The following ZBTB8B variants were observed in gnomAD, a reference collection of about 807,000 sequenced individuals.
ZBTB8B encodes the protein zinc finger and BTB domain-containing protein 8B.
In ZBTB8B, 17 loss-of-function variants were observed where a neutral mutation model predicts 30.3. That is an observed-to-expected ratio of 0.56 (90% confidence interval 0.38 to 0.84). ZBTB8B has a LOEUF of 0.84. ZBTB8B is among the 40% of genes least tolerant of loss of function. The pLI, the probability that ZBTB8B is intolerant of heterozygous loss-of-function variation, is 0.00. For synonymous variants in ZBTB8B, 248 were observed against 255.6 expected (o/e 0.97, Z 0.28); for missense variants, 515 against 644.9 (o/e 0.80, Z 2.18).
At chr1:32,479,338 A>G (rs1643687422) in intron 2 of ZBTB8B, among the ~76,000 whole-genome samples, 1 of 152,138 alleles carries the variant, frequency 6.6e-6, no homozygotes, top group Non-Finnish European at 1.5e-5. Context: ...TGCCTGGCCA[A>G]CATGGTGAAA....
chr1:32,489,762 G>A lies in ZBTB8B; in HGVS notation c.*4344G>A, dbSNP rs532219225. 2 of 152,148 alleles carry A rather than the reference G, an allele frequency of 1.3e-5. No individual in the cohort carries two copies. Among genetic ancestry groups the A allele is most frequent in the South Asian group, 4.1e-4 (2 of 4,828 alleles). 9.4% of individuals were successfully genotyped at this position (152,148 alleles called of 1,614,324 possible). A position where few individuals can be genotyped will look rare whatever the true frequency, so the allele number is the denominator to read the frequency against. ...TCTTGGGAAGTTATTTCTCTTGGGG[G>A]ATGAGGACCCCCTTCTCAAAAGTTG... On this transcript the variant is annotated 3_prime_UTR_variant, in exon 4 of 4. Coordinates refer to ENST00000609129, the MANE Select transcript of ZBTB8B (RefSeq NM_001145720.2).
intron 1 of ZBTB8B, 67 bp from the exon 2 acceptor site, chr1:32,470,499 CAAAAAAAAAAAAAAAAAA>C (rs60700558): frequency 6.4e-6 from 2 of 310,424 alleles, no homozygotes; most frequent in Non-Finnish European, 8.8e-6. Context: ...GACGCTGACT[CAAAAAAAAAAAAAAAAAA>C]AAAAAAAAAG....
chr1:32,470,505 A>T, intron 1 of ZBTB8B, 79 bp from the exon 2 acceptor site: 1 of 926,964 alleles, frequency 1.1e-6, no homozygotes, highest in African/African-American at 1.8e-5. Flanking sequence ...GACTCAAAAA[A>T]AAAAAAAAAA....
chr1:32,470,272 G>A (rs1304292972), intron 1 of ZBTB8B, among the ~76,000 whole-genome samples: 2 of 151,222 alleles, frequency 1.3e-5, no homozygotes, highest in Admixed American at 6.6e-5. Context: ...AGGCCGAGGC[G>A]GGCGGATCAC....
At chr1:32,469,886 A>ATAT (rs1264327156) in intron 1 of ZBTB8B, among the ~76,000 whole-genome samples, 1 of 151,978 alleles carries the variant, frequency 6.6e-6, no homozygotes, top group Non-Finnish European at 1.5e-5. Context: ...AAAGCAGACC[A>ATAT]TATTATTATT....
At chr1:32,475,446 C>T (rs1185979756) in intron 2 of ZBTB8B, among the ~76,000 whole-genome samples, 3 of 152,006 alleles carry the variant, frequency 2.0e-5, no homozygotes, top group Admixed American at 6.6e-5. Context: ...ATTAGCCAGG[C>T]GTGGTGGCGA....
Position 32,471,067 on chromosome 1 carries a change from CGGCAGCA to C in ZBTB8B, c.445_451del (p.Ala149ArgfsTer39). 1.9e-6 allele frequency: 3 copies of C among 1,544,714 alleles called. No individual in the cohort carries two copies. The highest frequency in any genetic ancestry group is 2.6e-6 in the Non-Finnish European group (3 of 1,145,600). ...GCGGCAGCGGCGGCGGCTGCAGCGG[CGGCAGCA>C]GCGGCGGCTCATCAGGTTGACAGTG... On this transcript the variant is annotated frameshift_variant, in exon 2 of 4. Coordinates refer to ENST00000609129, the MANE Select transcript of ZBTB8B (RefSeq NM_001145720.2). LOFTEE classifies it high-confidence loss of function.
intron 3 of ZBTB8B, among the ~76,000 whole-genome samples, chr1:32,481,435 C>T (rs184164962): frequency 3.9e-5 from 6 of 152,024 alleles, no homozygotes; most frequent in Non-Finnish European, 8.8e-5. Flanking sequence ...AGTTTCCCAC[C>T]GAGCCCCAGC....
chr1:32,494,513 A>T lies in ZBTB8B; in HGVS notation c.*9095A>T, dbSNP rs1643802613. On this transcript the variant is annotated 3_prime_UTR_variant, in exon 4 of 4. Coordinates refer to ENST00000609129, the MANE Select transcript of ZBTB8B (RefSeq NM_001145720.2). ...ATGATAAAGTATGCATTGTGTGATT[A>T]TGGTCTGCATTCTTGCAATGCTTAG... is the stretch of plus-strand genomic sequence containing the variant. 1 of 152,138 alleles carries T rather than the reference A, an allele frequency of 6.6e-6. No individual in the cohort carries two copies. 9.4% of individuals were successfully genotyped at this position (152,138 alleles called of 1,614,324 possible).
intron 3 of ZBTB8B, among the ~76,000 whole-genome samples, chr1:32,482,005 A>G (rs539479661): frequency 6.6e-6 from 1 of 151,894 alleles, no homozygotes; most frequent in South Asian, 2.1e-4. Flanking sequence ...TTTGTTTGAG[A>G]CAGAGTCTCA....
rs749645312 is a variant in ZBTB8B at position 32,471,345 on chromosome 1, G to C, written c.721G>C (p.Asp241His). ...VEFDADEVEV[D>H]VGEQLQQYAA... is the part of the protein sequence containing the mutation. ...ATTTGATGCTGATGAAGTGGAGGTG[G>C]ACGTTGGTGAACAGCTGCAGCAGTA... is the stretch of plus-strand genomic sequence containing the variant. The change falls in exon 2 of 4, where the codon GAC becomes CAC. Residue 241 changes from aspartate (D) to histidine (H), a missense_variant. Around this residue, in one of 3 missense-constraint regions of ZBTB8B, gnomAD observed 429 missense variants for 504.3 expected, o/e 0.85. Transcript: ENST00000609129. 1.3e-6 allele frequency: 2 copies of C among 1,551,798 alleles called. No individual in the cohort carries two copies. Among genetic ancestry groups the C allele is most frequent in the South Asian group, 2.4e-5 (2 of 84,068 alleles).
chr1:32,472,858 C>T (rs898718622), intron 2 of ZBTB8B, among the ~76,000 whole-genome samples: 1 of 152,258 alleles, frequency 6.6e-6, no homozygotes, highest in African/African-American at 2.4e-5. Context: ...CTCAAGTGAT[C>T]CTCCTGCCTT....
chr1:32,481,422 C>T (rs1036348906), intron 3 of ZBTB8B, among the ~76,000 whole-genome samples: 1 of 151,902 alleles, frequency 6.6e-6, no homozygotes, highest in Non-Finnish European at 1.5e-5. Flanking sequence ...AAGCTGCATC[C>T]TCAGTTTCCC....
At chr1:32,468,129 T>A (rs370238902) in intron 1 of ZBTB8B, among the ~76,000 whole-genome samples, 76 of 151,490 alleles carry the variant, frequency 5.0e-4, no homozygotes, top group African/African-American at 1.3e-3. Context: ...TCTCAAAAAA[T>A]AATAATAATA....
intron 2 of ZBTB8B, among the ~76,000 whole-genome samples, chr1:32,473,012 T>G (rs1387771881): frequency 3.9e-5 from 6 of 152,230 alleles, no homozygotes; most frequent in Admixed American, 3.9e-4. Context: ...ACCTGCTTGT[T>G]TCTTTGAACA....
At chr1:32,467,243 GT>G (rs1207043175) in intron 1 of ZBTB8B, among the ~76,000 whole-genome samples, 160 of 134,666 alleles carry the variant, frequency 1.2e-3, no homozygotes, top group African/African-American at 1.9e-3. Flanking sequence ...CCACACACTT[GT>G]TTTTTTTTTT....
chr1:32,471,043 C>T lies in ZBTB8B; in HGVS notation c.419C>T (p.Ala140Val), dbSNP rs570758030. 2.6e-6 allele frequency: 4 copies of T among 1,550,006 alleles called. No individual in the cohort carries two copies. The highest frequency in any genetic ancestry group is 2.4e-5 in the East Asian group (1 of 40,882). The change falls in exon 2 of 4, where the codon GCG (alanine) becomes GTG (valine). Residue 140 changes from alanine to valine, a missense_variant. Ala to Val is a moderately conservative substitution (Grantham distance 64, BLOSUM62 0). Coordinates refer to ENST00000609129, the MANE Select transcript of ZBTB8B (RefSeq NM_001145720.2). ...KEAAVAAAVA[A>V]AAAAAAAAAA... is the part of the protein sequence containing the mutation. ...GCTGCTGTGGCTGCAGCAGTGGCGG[C>T]GGCAGCGGCGGCGGCTGCAGCGGCG...
chr1:32,467,881 G>A (rs1446529418), intron 1 of ZBTB8B, among the ~76,000 whole-genome samples: 2 of 151,958 alleles, frequency 1.3e-5, no homozygotes, highest in Non-Finnish European at 2.9e-5. Context: ...AGGAGGCTGA[G>A]GGGGGCAGAT....
chr1:32,472,744 G>C (rs1183240494), intron 2 of ZBTB8B, among the ~76,000 whole-genome samples: 1 of 152,190 alleles, frequency 6.6e-6, no homozygotes, highest in Non-Finnish European at 1.5e-5. Flanking sequence ...CTCCCGAGTA[G>C]CTGGGATTAC....
Sources: allele counts gnomAD v4.1 joint callset (sites outside exome capture counted in the v4.1 genomes callset), GRCh38; gene constraint gnomAD v4.1.1; regional missense constraint gnomAD v4.1.1; transcripts MANE v1.5; gene names NCBI Gene and HGNC (gene_info 2026-07-23, HGNC 2026-07-21).